Variants in SYN3 observed in about 807,000 individuals in gnomAD.
SYN3 encodes the protein synapsin III.
Under a neutral mutation model 65.8 loss-of-function variants are expected in SYN3, and 35 were observed. The ratio of observed to expected loss-of-function variants is 0.53; its 90% confidence interval spans 0.41 to 0.70. The LOEUF (loss-of-function observed/expected upper bound fraction) is 0.70. Among genes scored for constraint, SYN3 ranks in the 30% least tolerant of loss-of-function variants. The pLI is 0.00. For missense variants in SYN3, 680 were observed against 749.0 expected (o/e 0.91, Z 1.08); for synonymous variants, 270 against 292.9 (o/e 0.92, Z 0.80).
At chr22:32,796,900 A>G (rs1269875322) in intron 6 of SYN3, among the ~76,000 whole-genome samples, 1 of 152,062 alleles carries the variant, frequency 6.6e-6, no homozygotes, top group Non-Finnish European at 1.5e-5. Context: ...CCAATGATTC[A>G]CAACTATGTT....
intron 6 of SYN3, among the ~76,000 whole-genome samples, chr22:32,604,798 G>A (rs1023796740): frequency 2.0e-5 from 3 of 152,100 alleles, no homozygotes; most frequent in African/African-American, 7.2e-5. Flanking sequence ...GAGGTCAGGA[G>A]ATCGAGACCA....
At chr22:32,561,798 T>TA (rs1290523195) in intron 7 of SYN3, among the ~76,000 whole-genome samples, 2 of 152,202 alleles carry the variant, frequency 1.3e-5, no homozygotes, top group Non-Finnish European at 1.5e-5. Context: ...GCCAGGCTCC[T>TA]ACGTGGGGAA....
intron 2 of SYN3, among the ~76,000 whole-genome samples, chr22:32,998,787 A>AAC (rs1556121466): frequency 1.4e-5 from 2 of 138,620 alleles, no homozygotes; most frequent in African/African-American, 5.1e-5. Flanking sequence ...AAAAAAAAAA[A>AAC]AAAAAAAAAA....
chr22:32,818,676 T>C (rs1384158097), intron 6 of SYN3, among the ~76,000 whole-genome samples: 2 of 152,202 alleles, frequency 1.3e-5, no homozygotes, highest in Non-Finnish European at 2.9e-5. Context: ...GCCTCCTGCT[T>C]GGCCTCCAGC....
At chr22:33,014,135 C>G (rs929267807) in intron 1 of SYN3, among the ~76,000 whole-genome samples, 1 of 151,780 alleles carries the variant, frequency 6.6e-6, no homozygotes, top group South Asian at 2.1e-4. Context: ...AGGCTGGTCT[C>G]GAGCTCCCGG....
At chr22:32,615,432 TAAA>T (rs1190319833) in intron 6 of SYN3, among the ~76,000 whole-genome samples, 4 of 74,400 alleles carry the variant, frequency 5.4e-5, no homozygotes, top group African/African-American at 6.6e-5. Flanking sequence ...AGACTTCATC[TAAA>T]AAAAAAAAAA....
rs767661484 is a variant in SYN3 at position 33,006,647 on chromosome 22, G to A, written c.16C>T (p.Arg6Ter). The change falls in exon 2 of 14, where the codon CGA (arginine) becomes TGA (stop). Residue 6 changes from arginine to a stop codon, truncating the protein, a stop_gained. Transcript: ENST00000358763. LOFTEE classifies it high-confidence loss of function. Reference sequence around the variant, plus strand: ...ATGAAGCTGCTGTCAGAGAGACGTCGCCGGAGGAAATTCATGGCTGTGGAT... The same window carrying A: ...ATGAAGCTGCTGTCAGAGAGACGTCACCGGAGGAAATTCATGGCTGTGGAT... MNFLR[R>*]RLSDSSFMAN... 5.8e-5 allele frequency: 92 copies of A among 1,580,204 alleles called. No individual in the cohort carries two copies. The highest frequency in any genetic ancestry group is 4.6e-5 in the Non-Finnish European group (54 of 1,162,400).
At chr22:32,842,761 G>A (rs114121977) in intron 6 of SYN3, among the ~76,000 whole-genome samples, 1,986 of 152,246 alleles carry the variant, frequency 0.013, 38 homozygotes, top group African/African-American at 0.045. Context: ...AAGCCTTGCC[G>A]GGGAGCACAA....
intron 6 of SYN3, among the ~76,000 whole-genome samples, chr22:32,712,144 C>T (rs2060974495): frequency 6.6e-6 from 1 of 152,164 alleles, no homozygotes; most frequent in Admixed American, 6.5e-5. Flanking sequence ...CTGCCTTTGT[C>T]CTTGGTCTTT....
intron 6 of SYN3, among the ~76,000 whole-genome samples, chr22:32,827,281 G>A (rs765004605): frequency 1.3e-4 from 20 of 152,314 alleles, no homozygotes; most frequent in African/African-American, 3.6e-4. Flanking sequence ...AGAGCCAGGC[G>A]TGGCCTATAG....
At chr22:32,962,451 T>A (rs1391445928) in intron 3 of SYN3, among the ~76,000 whole-genome samples, 1 of 152,168 alleles carries the variant, frequency 6.6e-6, no homozygotes, top group Non-Finnish European at 1.5e-5. Flanking sequence ...AGAATCTTAA[T>A]GTAATTTCCC....
chr22:33,023,247 T>C (rs1038713528), intron 1 of SYN3, among the ~76,000 whole-genome samples: 2 of 152,224 alleles, frequency 1.3e-5, no homozygotes, highest in East Asian at 1.9e-4. Context: ...CCATGTGTCA[T>C]GGGAGGGACC....
intron 1 of SYN3, among the ~76,000 whole-genome samples, chr22:33,046,505 G>A (rs1034022337): frequency 3.9e-5 from 6 of 152,050 alleles, no homozygotes; most frequent in Admixed American, 3.3e-4. Context: ...GGATCACAAG[G>A]TCAGGAGTTC....
chr22:32,689,804 T>G (rs912400928), intron 6 of SYN3, among the ~76,000 whole-genome samples: 1 of 152,150 alleles, frequency 6.6e-6, no homozygotes, highest in African/African-American at 2.4e-5. Flanking sequence ...TGTGATGGTG[T>G]TAGGAGATGG....
chr22:32,656,877 CA>C (rs1295671367), intron 6 of SYN3, among the ~76,000 whole-genome samples: 1 of 151,962 alleles, frequency 6.6e-6, no homozygotes, highest in Non-Finnish European at 1.5e-5. Context: ...GGGAGGGAGA[CA>C]GGGAGAGAGG....
chr22:32,871,126 A>G (rs1011800252), intron 4 of SYN3, among the ~76,000 whole-genome samples: 5 of 152,226 alleles, frequency 3.3e-5, no homozygotes, highest in Non-Finnish European at 4.4e-5. Context: ...ATCCTTCTTC[A>G]TGAGGAAATA....
intron 1 of SYN3, among the ~76,000 whole-genome samples, chr22:33,020,505 G>A (rs1432612140): frequency 1.3e-5 from 2 of 152,276 alleles, no homozygotes; most frequent in South Asian, 2.1e-4. Flanking sequence ...CTATTAAAAT[G>A]ATTCTTCCAA....
chr22:32,981,045 A>T lies in SYN3; in HGVS notation c.312-343T>A, dbSNP rs956637119. ...ATTTTTTTTATTTTTAGTAGAGATG[A>T]GGTTTCACCATGTCGGTCAGGCTGG... is the stretch of plus-strand genomic sequence containing the variant. On this transcript the variant is annotated intron_variant, in intron 2 of 13. Transcript: ENST00000358763. Among the ~76,000 whole-genome samples, 3 of 150,946 alleles carry T rather than the reference A, an allele frequency of 2.0e-5. No homozygotes were observed. The East Asian group carries it at 6.1e-4, about 30-fold the overall frequency.
intron 6 of SYN3, among the ~76,000 whole-genome samples, chr22:32,623,360 T>G (rs1376665025): frequency 1.3e-5 from 2 of 151,992 alleles, no homozygotes; most frequent in African/African-American, 2.4e-5. Flanking sequence ...TGGCTACTAT[T>G]TTATGTTTTA....
Sources: gnomAD v4.1 joint callset for allele counts (sites outside exome capture counted in the v4.1 genomes callset) on GRCh38, gnomAD v4.1.1 for gene constraint, MANE v1.5 for transcripts, NCBI Gene and HGNC (gene_info 2026-07-23, HGNC 2026-07-21) for gene names.